HSPBP1: variants seen among roughly 807,000 people sequenced by gnomAD.
HSPBP1 encodes the protein hsp70-binding protein 1.
In HSPBP1, 31 loss-of-function variants were observed where a neutral mutation model predicts 41.7. That is an observed-to-expected ratio of 0.74 (90% CI 0.56 to 1.00). The LOEUF is 1.00. Among genes scored for constraint, HSPBP1 ranks in the 50% least tolerant of loss-of-function variants. HSPBP1 has a pLI of 0.00. For synonymous variants in HSPBP1, 199 were observed against 214.4 expected, an observed-to-expected ratio of 0.93 and a Z score of 0.63; for missense variants, 439 against 487.9, an observed-to-expected ratio of 0.90 and a Z score of 0.94.
intron 4 of HSPBP1, 44 bp downstream of exon 4, chr19:55,274,354 C>G (rs775973413): frequency 4.1e-5 from 26 of 632,214 alleles, no homozygotes; most frequent in South Asian, 8.3e-5. Flanking sequence ...GGCACCCCCC[C>G]CCACCGCCAG....
chr19:55,265,518 T>G (rs1307199675), intron 6 of HSPBP1, 129 bp from the exon 7 acceptor site: 2 of 748,094 alleles, frequency 2.7e-6, no homozygotes, highest in Non-Finnish European at 4.7e-6. Context: ...TGGGCCTCCA[T>G]TTCCCCATCT....
chr19:55,264,233 C>T (rs564497207), intron 7 of HSPBP1, among the ~76,000 whole-genome samples: 65 of 152,268 alleles, frequency 4.3e-4, no homozygotes, highest in African/African-American at 1.4e-3. Context: ...TCCCAAAGTG[C>T]TGGGATTACA....
In HSPBP1 at chr19:55,262,391, C is replaced by A; in HGVS notation, c.*217G>T. 1 of 1,383,696 alleles carries A rather than the reference C, an allele frequency of 7.2e-7. No individual in the cohort carries two copies. Among genetic ancestry groups the A allele is most frequent in the Non-Finnish European group, 9.4e-7 (1 of 1,069,036 alleles). The allele number at this position is 1,383,696 out of a possible 1,614,324, so 85.7% of individuals were successfully genotyped here. A position where few individuals can be genotyped will look rare whatever the true frequency, so the allele number is the denominator to read the frequency against. ...ACCTTTATTGGAAGAGCTGTGTGGA[C>A]AAGAGAACGGGGATGAGAGTGAGAG... is the stretch of plus-strand genomic sequence containing the variant. On this transcript the variant is annotated 3_prime_UTR_variant, in exon 8 of 8. Transcript: ENST00000433386.
intron 3 of HSPBP1, among the ~76,000 whole-genome samples, chr19:55,276,104 C>CAAAAAAAAAAAAAA (rs59561808): frequency 1.5e-5 from 1 of 65,992 alleles, no homozygotes; most frequent in Non-Finnish European, 2.8e-5. Context: ...GAGACTGACT[C>CAAAAAAAAAAAAAA]AAAAAAAAAA....
chr19:55,263,533 A>T (rs950144546), intron 7 of HSPBP1, among the ~76,000 whole-genome samples: 2 of 152,218 alleles, frequency 1.3e-5, no homozygotes, highest in Non-Finnish European at 2.9e-5. Context: ...ACAAAAGGTT[A>T]TTCTTTCAGC....
At chr19:55,269,289 T>C (rs1568963138) in intron 4 of HSPBP1, among the ~76,000 whole-genome samples, 1 of 152,132 alleles carries the variant, frequency 6.6e-6, no homozygotes, top group Non-Finnish European at 1.5e-5. Flanking sequence ...TTTGTCTAAA[T>C]GTCCTGTGGA....
rs758074396 is a variant in HSPBP1, at chr19:55,279,645, G to A, written c.-37C>T. ...GAAGAAGGGAAGAATGTGTTAGAGG[G>A]AGAAGGTGGTCACCGCTGAAGCAGC... On this transcript the variant is annotated 5_prime_UTR_variant, in exon 2 of 8. Coordinates refer to ENST00000433386, the MANE Select transcript of HSPBP1 (RefSeq NM_012267.5). The A allele has an allele frequency of 7.7e-6, 12 of 1,553,782 alleles. No individual in the cohort carries two copies. In the East Asian group the frequency reaches 2.4e-4, roughly 31 times the overall value.
intron 2 of HSPBP1, among the ~76,000 whole-genome samples, chr19:55,278,882 C>G (rs927229424): frequency 1.3e-4 from 19 of 150,612 alleles, no homozygotes; most frequent in Non-Finnish European, 2.4e-4. Context: ...CCTCTGCACT[C>G]CAGCCGAGAC....
intron 3 of HSPBP1, 36 bp downstream of exon 3, chr19:55,277,606 G>C: frequency 1.3e-6 from 2 of 1,578,526 alleles, no homozygotes; most frequent in South Asian, 1.2e-5. Flanking sequence ...GACATGTACA[G>C]AGGGGCAGAA....
intron 7 of HSPBP1, 31 bp from the exon 8 acceptor site, chr19:55,262,713 C>T (rs1184177340): frequency 6.2e-7 from 1 of 1,601,482 alleles, no homozygotes; most frequent in Non-Finnish European, 8.5e-7. Flanking sequence ...GAGCAAGGGG[C>T]CTGAGTGCAG....
chr19:55,271,446 G>A (rs991762124), intron 4 of HSPBP1, among the ~76,000 whole-genome samples: 54 of 152,156 alleles, frequency 3.5e-4, no homozygotes, highest in African/African-American at 1.1e-3. Context: ...TCTGGCCCTC[G>A]GGACACCATG....
At chr19:55,276,012 G>A (rs886304881) in intron 3 of HSPBP1, among the ~76,000 whole-genome samples, 9 of 148,416 alleles carry the variant, frequency 6.1e-5, no homozygotes, top group Non-Finnish European at 1.0e-4. Context: ...AGCTGTTTGG[G>A]AGGCTAAGGT....
rs145794654 is a variant in HSPBP1 at position 55,279,477 on chromosome 19, G to A, written c.132C>T (p.Asn44=). Residue 44 remains asparagine, a synonymous_variant, in exon 2 of 8, where the codon AAC becomes AAT. Transcript: ENST00000433386. ...GGSGNSRPPR[N]LQGLLQMAIT... ...TGGCCATCTGCAGCAAGCCTTGGAG[G>A]TTGCGTGGGGGCCGGGAATTGCCCG... 2.2e-4 allele frequency: 355 copies of A among 1,607,312 alleles called. No individual in the cohort carries two copies. The African/African-American group carries it at 4.2e-3, about 19-fold the overall frequency.
intron 1 of HSPBP1, 50 bp downstream of exon 1, chr19:55,279,985 G>A: frequency 2.9e-6 from 1 of 341,290 alleles, no homozygotes; most frequent in Non-Finnish European, 5.5e-6. Flanking sequence ...TTAGCAACAA[G>A]TCTTCTCCCT....
chr19:55,277,871 G>A lies in HSPBP1; in HGVS notation c.211-25C>T, dbSNP rs541824863. On this transcript the variant is annotated intron_variant, in intron 2 of 7. Coordinates refer to ENST00000433386, the MANE Select transcript of HSPBP1 (RefSeq NM_012267.5). Reference sequence around the variant, plus strand: ...TCTGGAGACCAAGGCGAGGAGGAAAGAAGGAGATCCATCAGTCATTCATTA... The same window carrying A: ...TCTGGAGACCAAGGCGAGGAGGAAAAAAGGAGATCCATCAGTCATTCATTA... 2.0e-6 allele frequency: 3 copies of A among 1,497,164 alleles called. No individual in the cohort carries two copies. In the South Asian group the frequency reaches 4.0e-5, roughly 20 times the overall value. The allele number at this position is 1,497,164 out of a possible 1,614,324, so 92.7% of individuals were successfully genotyped here.
chr19:55,267,138 TTTTA>T (rs1407244061), intron 4 of HSPBP1, among the ~76,000 whole-genome samples: 1 of 152,184 alleles, frequency 6.6e-6, no homozygotes, highest in Non-Finnish European at 1.5e-5. Context: ...AATTTTTTTA[TTTTA>T]TTTATTTACT....
In HSPBP1 at chr19:55,268,404, T is replaced by G. The variant is rs1165387570; in HGVS notation, c.641-2118A>C. Among the ~76,000 whole-genome samples the G allele has an allele frequency of 6.6e-6, 1 of 152,044 alleles. No individual in the cohort carries two copies. Among genetic ancestry groups the G allele is most frequent in the Non-Finnish European group, 1.5e-5 (1 of 68,020 alleles). On this transcript the variant is annotated intron_variant, in intron 4 of 7. Transcript: ENST00000433386. This position sits in a 1 kb window ranked among gnomAD's most constrained non-coding sequence, Gnocchi z 4.5. ...GAGATTGCGCCATTACACTCCAGCCTGAGCAAAAAGAGCGAAACTCCATCT... is the reference window on the plus strand; with the variant it reads ...GAGATTGCGCCATTACACTCCAGCCGGAGCAAAAAGAGCGAAACTCCATCT...
At chr19:55,274,346 C>CCCCCCCCCCCCCCCCCCCCCCCCCCCA in intron 4 of HSPBP1, 52 bp downstream of exon 4, 1 of 398,854 alleles carries the variant, frequency 2.5e-6, no homozygotes, top group African/African-American at 2.9e-5. Context: ...GCCCACCCGG[C>CCCCCCCCCCCCCCCCCCCCCCCCCCCA]ACCCCCCCCC....
chr19:55,278,540 G>T (rs2088137860), intron 2 of HSPBP1, among the ~76,000 whole-genome samples: 1 of 152,134 alleles, frequency 6.6e-6, no homozygotes, highest in African/African-American at 2.4e-5. Context: ...CCACTTCGCA[G>T]ATGAGAAAGT....
Sources: gnomAD v4.1 joint callset for allele counts (sites outside exome capture counted in the v4.1 genomes callset) on GRCh38, gnomAD v4.1.1 for gene constraint, Gnocchi (gnomAD v3.1) non-coding constraint, MANE v1.5 for transcripts, NCBI Gene and HGNC (gene_info 2026-07-23, HGNC 2026-07-21) for gene names.